PCP4: variants seen among roughly 807,000 people sequenced by gnomAD.
PCP4 encodes calmodulin regulator protein PCP4.
In PCP4, 8 loss-of-function variants were observed where a neutral mutation model predicts 10.0. The ratio of observed to expected loss-of-function variants is 0.80; its 90% confidence interval spans 0.47 to 1.45. The LOEUF is 1.45. PCP4 is among the 40% of genes most tolerant of loss of function. PCP4 has a pLI of 0.00. For missense variants in PCP4, 54 were observed against 74.4 expected (o/e 0.73, Z 1.01); for synonymous variants, 21 against 23.0 (o/e 0.91, Z 0.24).
At chr21:39,905,509 A>C (rs2087502629) in intron 2 of PCP4, among the ~76,000 whole-genome samples, 1 of 152,200 alleles carries the variant, frequency 6.6e-6, no homozygotes, top group African/African-American at 2.4e-5. Context: ...TTCTGCCTGA[A>C]GGTTACTTTA....
chr21:39,922,818 C>T (rs2087602779), intron 2 of PCP4, among the ~76,000 whole-genome samples: 1 of 152,232 alleles, frequency 6.6e-6, no homozygotes, highest in Admixed American at 6.5e-5. Context: ...TTGATTGTCA[C>T]TTCCTTTGAG....
At chr21:39,897,958 A>ATGG (rs1215704573) in intron 1 of PCP4, among the ~76,000 whole-genome samples, 11 of 145,436 alleles carry the variant, frequency 7.6e-5, no homozygotes. Flanking sequence ...AAGCAGGAGA[A>ATGG]TGGTGTGAAC....
intron 1 of PCP4, among the ~76,000 whole-genome samples, chr21:39,880,130 G>GTATCTGTATCTATATCTA (rs2087366367): frequency 2.1e-5 from 3 of 141,518 alleles, no homozygotes; most frequent in Admixed American, 1.4e-4. Flanking sequence ...ATCTATATCT[G>GTATCTGTATCTATATCTA]TATCTATATC....
intron 2 of PCP4, among the ~76,000 whole-genome samples, chr21:39,904,353 G>A (rs1189119170): frequency 6.6e-6 from 1 of 152,080 alleles, no homozygotes; most frequent in Non-Finnish European, 1.5e-5. Flanking sequence ...GGCAGATTTT[G>A]CTTAGGATAT....
chr21:39,926,879 G>A (rs2276527), intron 2 of PCP4, among the ~76,000 whole-genome samples: 16,460 of 152,224 alleles, frequency 0.11, 1,135 homozygotes, highest in East Asian at 0.23. Context: ...TGGAGTGTGA[G>A]AAACAGTTCC....
At chr21:39,896,263 C>G (rs1354619034) in intron 1 of PCP4, among the ~76,000 whole-genome samples, 4 of 152,200 alleles carry the variant, frequency 2.6e-5, no homozygotes, top group African/African-American at 9.6e-5. Flanking sequence ...TGACTTTATT[C>G]TACTCTAAAA....
At chr21:39,904,776 G>A (rs2087498312) in intron 2 of PCP4, among the ~76,000 whole-genome samples, 3 of 152,306 alleles carry the variant, frequency 2.0e-5, no homozygotes, top group East Asian at 1.9e-4. Flanking sequence ...GAGGGTGCAG[G>A]TGTCTGGAAT....
chr21:39,873,944 C>A (rs1265716496), intron 1 of PCP4, among the ~76,000 whole-genome samples: 1 of 152,184 alleles, frequency 6.6e-6, no homozygotes, highest in East Asian at 1.9e-4. Context: ...CTGCTCATTC[C>A]ATTTCTGGAA....
At chr21:39,892,621 A>T (rs2087438309) in intron 1 of PCP4, among the ~76,000 whole-genome samples, 1 of 152,072 alleles carries the variant, frequency 6.6e-6, no homozygotes, top group Non-Finnish European at 1.5e-5. Flanking sequence ...GGGACATGAG[A>T]CATTTTGATA....
chr21:39,901,257 A>C (rs944350536), intron 2 of PCP4, among the ~76,000 whole-genome samples: 1 of 152,200 alleles, frequency 6.6e-6, no homozygotes, highest in African/African-American at 2.4e-5. Flanking sequence ...TTATAAGACC[A>C]AAAATGTTTT....
intron 2 of PCP4, among the ~76,000 whole-genome samples, chr21:39,901,632 A>G (rs2837281): frequency 0.14 from 21,076 of 152,216 alleles, 1,665 homozygotes; most frequent in Middle Eastern, 0.24. Flanking sequence ...AAATTAATTA[A>G]ATGGAAATAT....
rs568365439 is a variant in PCP4, at chr21:39,899,754, G to A, written c.61+1227G>A. Among the ~76,000 whole-genome samples, 228 of 152,282 alleles carry A rather than the reference G, an allele frequency of 1.5e-3. 2 individuals carry two copies. The highest frequency in any genetic ancestry group is 5.4e-3 in the African/African-American group (224 of 41,548). Reference sequence around the variant, plus strand: ...AGGGCTTTTCCTGTCTCCTGTGTGTGAGTTGGGGTGGGTGTGTGGGGTACT... The same window carrying A: ...AGGGCTTTTCCTGTCTCCTGTGTGTAAGTTGGGGTGGGTGTGTGGGGTACT... On this transcript the variant is annotated intron_variant, in intron 2 of 2. Coordinates refer to ENST00000328619, the MANE Select transcript of PCP4 (RefSeq NM_006198.3).
chr21:39,889,970 C>T (rs2087421971), intron 1 of PCP4, among the ~76,000 whole-genome samples: 1 of 152,076 alleles, frequency 6.6e-6, no homozygotes, highest in Non-Finnish European at 1.5e-5. Flanking sequence ...GTCTCGTGTT[C>T]TGGGTTATGA....
At chr21:39,924,837 G>A (rs553026381) in intron 2 of PCP4, among the ~76,000 whole-genome samples, 2 of 152,298 alleles carry the variant, frequency 1.3e-5, no homozygotes, top group East Asian at 1.9e-4. Context: ...ACCTGGCCCC[G>A]GGTTTTGTTT....
At chr21:39,885,519 G>A (rs2087396142) in intron 1 of PCP4, among the ~76,000 whole-genome samples, 2 of 152,234 alleles carry the variant, frequency 1.3e-5, no homozygotes, top group South Asian at 4.1e-4. Flanking sequence ...GCATGTGGTT[G>A]AGGGAGGACA....
intron 1 of PCP4, among the ~76,000 whole-genome samples, chr21:39,880,140 CTA>C (rs905959069): frequency 9.1e-6 from 1 of 109,330 alleles, no homozygotes; most frequent in South Asian, 2.6e-4. Context: ...GTATCTATAT[CTA>C]TATCTATATC....
chr21:39,918,341 T>C (rs78037432), intron 2 of PCP4, among the ~76,000 whole-genome samples: 1,563 of 152,302 alleles, frequency 0.01, 35 homozygotes, highest in African/African-American at 0.036. Context: ...GGGCATTTTA[T>C]ATAAGCCAGG....
At chr21:39,885,036 G>A (rs2087393331) in intron 1 of PCP4, among the ~76,000 whole-genome samples, 1 of 152,172 alleles carries the variant, frequency 6.6e-6, no homozygotes, top group Non-Finnish European at 1.5e-5. Context: ...GTTTATAAAT[G>A]TTACTTTATA....
At chr21:39,925,759 G>T (rs779241244) in intron 2 of PCP4, among the ~76,000 whole-genome samples, 3 of 152,106 alleles carry the variant, frequency 2.0e-5, no homozygotes, top group Non-Finnish European at 4.4e-5. Flanking sequence ...GCCTCTGCCC[G>T]GGAGTGATGG....
Sources: gnomAD v4.1 joint callset for allele counts (sites outside exome capture counted in the v4.1 genomes callset) on GRCh38, gnomAD v4.1.1 for gene constraint, MANE v1.5 for transcripts, NCBI Gene and HGNC (gene_info 2026-07-23, HGNC 2026-07-21) for gene names.